ABCG1: variants seen among roughly 807,000 people sequenced by gnomAD.
The protein encoded by ABCG1 is ATP binding cassette subfamily G member 1.
A neutral mutation model predicts 69.2 loss-of-function variants in ABCG1; 29 were observed. That is an observed-to-expected ratio of 0.42 (90% CI 0.31 to 0.57). ABCG1 has a LOEUF of 0.57. Among genes scored for constraint, ABCG1 ranks in the 20% least tolerant of loss-of-function variants. The pLI, the probability that ABCG1 is intolerant of heterozygous loss-of-function variation, is 0.15. For missense variants in ABCG1, 718 were observed against 898.1 expected (o/e 0.80, Z 2.56); for synonymous variants, 370 against 374.8 (o/e 0.99, Z 0.15).
chr21:42,274,180 A>G (rs993240602), intron 4 of ABCG1, among the ~76,000 whole-genome samples: 6 of 152,196 alleles, frequency 3.9e-5, no homozygotes, highest in African/African-American at 1.4e-4. Flanking sequence ...GTTGGTGTAA[A>G]TATTGAAAGG....
intron 13 of ABCG1, among the ~76,000 whole-genome samples, chr21:42,292,084 A>G (rs1405258829): frequency 1.3e-5 from 2 of 151,976 alleles, no homozygotes; most frequent in Non-Finnish European, 1.5e-5. Flanking sequence ...CGGCCTCTCC[A>G]TGGGCCCCTT....
chr21:42,281,614 C>T (rs960454387), intron 5 of ABCG1, among the ~76,000 whole-genome samples: 5 of 152,192 alleles, frequency 3.3e-5, no homozygotes, highest in African/African-American at 1.2e-4. Context: ...TCGTTGCCTT[C>T]CTGGCACCTC....
intron 2 of ABCG1, among the ~76,000 whole-genome samples, chr21:42,210,959 CTTTTT>C (rs1555945834): frequency 1.5e-5 from 2 of 137,374 alleles, no homozygotes; most frequent in Admixed American, 7.3e-5. Context: ...TTTCTTTCTT[CTTTTT>C]TTTTTTTTTT....
In ABCG1 at chr21:42,287,350, A is replaced by G. The variant is rs779134543; in HGVS notation, c.974-539A>G. Among the ~76,000 whole-genome samples, 1 of 152,178 alleles carries G rather than the reference A, an allele frequency of 6.6e-6. No individual in the cohort carries two copies. The highest frequency in any genetic ancestry group is 1.5e-5 in the Non-Finnish European group (1 of 68,020). On this transcript the variant is annotated intron_variant, in intron 8 of 14. Transcript: ENST00000398449. This position sits in a 1 kb window ranked among gnomAD's most constrained non-coding sequence, Gnocchi z 6.2. The stretch of plus-strand genomic sequence containing the variant: ...CAGGAGCAGCGGGCAGGGCCGGTGC[A>G]GGAGACGCTCACTGGGATCTGAGAG...
intron 4 of ABCG1, among the ~76,000 whole-genome samples, chr21:42,274,506 G>GCTCTGTCA (rs1379996501): frequency 3.1e-5 from 4 of 130,560 alleles, no homozygotes; most frequent in Non-Finnish European, 4.6e-5. Context: ...ACAGAGTCTC[G>GCTCTGTCA]CTCTGTCACC....
upstream of ABCG1, chr21:42,219,123 G>C (rs1296147862): frequency 3.8e-6 from 3 of 791,882 alleles, no homozygotes; most frequent in Admixed American, 9.9e-5. This position sits in a 1 kb window ranked among gnomAD's most constrained non-coding sequence, Gnocchi z 5.3. Flanking sequence ...AACCAGAGCC[G>C]GAGCCGGATC....
In ABCG1 at chr21:42,294,562, A is replaced by G. The variant is rs758847757; in HGVS notation, c.1674A>G (p.Pro558=). The G allele has an allele frequency of 8.1e-6, 13 of 1,614,034 alleles. No individual in the cohort carries two copies. In the East Asian group the frequency reaches 2.5e-4, roughly 30 times the overall value. Residue 558 remains proline (P), a synonymous_variant, in exon 14 of 15, where the codon CCA becomes CCG. Transcript: ENST00000398449. ...TCCAGGTGGCCACTTTCGTGGGCCC[A>G]GTGACAGCCATCCCGGTGCTCCTGT... The part of the protein sequence containing the change: ...TSLQVATFVG[P]VTAIPVLLFS...
chr21:42,263,990 C>T (rs993202368), intron 2 of ABCG1, among the ~76,000 whole-genome samples: 22 of 152,150 alleles, frequency 1.4e-4, no homozygotes, highest in African/African-American at 5.3e-4. Flanking sequence ...TCCAGGTTCG[C>T]GGGGCATGAT....
rs2069215016 is a variant in ABCG1, at chr21:42,296,559, C to A, written c.*167C>A. 4 of 625,810 alleles carry A rather than the reference C, an allele frequency of 6.4e-6. No homozygotes were observed. In the East Asian group the frequency reaches 1.1e-4, roughly 17 times the overall value. 38.8% of individuals were successfully genotyped at this position (625,810 alleles called of 1,614,324 possible). On this transcript the variant is annotated 3_prime_UTR_variant, in exon 15 of 15. Coordinates refer to ENST00000398449, the MANE Select transcript of ABCG1 (RefSeq NM_016818.3). The surrounding 1 kb of genome is among the most constrained non-coding windows in gnomAD (Gnocchi z 5.4). ...TCTCGTGCTCAGCCACTCTGCCCAGCTGGGTTGGATCTTCTCTCCATTCCC... is the reference window on the plus strand; with the variant it reads ...TCTCGTGCTCAGCCACTCTGCCCAGATGGGTTGGATCTTCTCTCCATTCCC...
chr21:42,239,776 C>T (rs761421515), intron 2 of ABCG1, among the ~76,000 whole-genome samples: 8 of 152,232 alleles, frequency 5.3e-5, no homozygotes, highest in Non-Finnish European at 7.3e-5. Flanking sequence ...GAAGACCGTC[C>T]GGGGCCTGGC....
chr21:42,259,397 C>A (rs776974391), intron 2 of ABCG1: 40 of 1,550,202 alleles, frequency 2.6e-5, no homozygotes, highest in Non-Finnish European at 3.2e-5. Flanking sequence ...GCGTGTCCTG[C>A]AAAATCGAAA....
At chr21:42,275,115 A>T (rs889478275) in intron 4 of ABCG1, among the ~76,000 whole-genome samples, 2 of 152,138 alleles carry the variant, frequency 1.3e-5, no homozygotes, top group Admixed American at 6.5e-5. Context: ...CTTCTTCCCC[A>T]TGGTGTCTGA....
intron 6 of ABCG1, among the ~76,000 whole-genome samples, chr21:42,283,716 A>T (rs8130374): frequency 2.4e-4 from 11 of 46,640 alleles, no homozygotes; most frequent in African/African-American, 1.4e-3. Context: ...GTGAAGTACC[A>T]CCCACCACCC....
intron 2 of ABCG1, among the ~76,000 whole-genome samples, chr21:42,232,721 G>A (rs773156754): frequency 1.2e-4 from 19 of 152,150 alleles, no homozygotes; most frequent in African/African-American, 2.2e-4. Flanking sequence ...AAAAGTTCAC[G>A]TTCTCAAATG....
upstream of ABCG1, among the ~76,000 whole-genome samples, chr21:42,217,216 G>T (rs1439498682): frequency 6.6e-6 from 1 of 152,170 alleles, no homozygotes; most frequent in Non-Finnish European, 1.5e-5. Context: ...AAATCTTCGG[G>T]CAGAGAACTG....
rs1335179465 is a variant in ABCG1, at chr21:42,276,218, A to T, written c.538-677A>T. On this transcript the variant is annotated intron_variant, in intron 4 of 14. Transcript: ENST00000398449. The surrounding 1 kb of genome is among the most constrained non-coding windows in gnomAD (Gnocchi z 5.3). ...TTTTCCCAAGCAGGGCCAGGAGCCC[A>T]GTGCTGTGTTAGCAAACGGGATCTC... 1 of 152,376 alleles carries T rather than the reference A, an allele frequency of 6.6e-6. No individual in the cohort carries two copies. 9.4% of individuals were successfully genotyped at this position (152,376 alleles called of 1,614,324 possible).
At chr21:42,256,470 G>GAT in intron 2 of ABCG1, 1 of 1,549,894 alleles carries the variant, frequency 6.5e-7, no homozygotes, top group East Asian at 2.4e-5. Flanking sequence ...CACCCTGGCT[G>GAT]GGTGTACTGG....
At chr21:42,230,076 G>A (rs754152803) in intron 2 of ABCG1, among the ~76,000 whole-genome samples, 10 of 152,346 alleles carry the variant, frequency 6.6e-5, no homozygotes, top group South Asian at 4.1e-4. Context: ...CAAGAAAGGC[G>A]ATGCGGGAAA....
chr21:42,206,604 G>C (rs2067544844), intron 2 of ABCG1, among the ~76,000 whole-genome samples: 1 of 152,030 alleles, frequency 6.6e-6, no homozygotes, highest in Non-Finnish European at 1.5e-5. Context: ...TACAGGCATG[G>C]TGCCACCACA....
Sources: allele counts gnomAD v4.1 joint callset (sites outside exome capture counted in the v4.1 genomes callset), GRCh38; gene constraint gnomAD v4.1.1; non-coding constraint Gnocchi (gnomAD v3.1); transcripts MANE v1.5; gene names NCBI Gene and HGNC (gene_info 2026-07-23, HGNC 2026-07-21).